Variants in TBC1D22A observed in about 807,000 individuals in gnomAD.
The protein encoded by TBC1D22A is TBC1 domain family member 22A, also known as putative GTPase activator.
A neutral mutation model predicts 60.2 loss-of-function variants in TBC1D22A; 38 were observed. The ratio of observed to expected loss-of-function variants is 0.63; its 90% CI spans 0.49 to 0.83. The LOEUF is 0.83. Among genes scored for constraint, TBC1D22A ranks in the 40% least tolerant of loss-of-function variants. The pLI, the probability that TBC1D22A is intolerant of heterozygous loss-of-function variation, is 0.00. For synonymous variants in TBC1D22A, 302 were observed against 281.7 expected (o/e 1.07, Z -0.72); for missense variants, 628 against 701.0 (o/e 0.90, Z 1.18).
chr22:46,930,160 T>C (rs554364675), intron 8 of TBC1D22A, among the ~76,000 whole-genome samples: 4 of 152,240 alleles, frequency 2.6e-5, no homozygotes, highest in Non-Finnish European at 5.9e-5. Flanking sequence ...GTTTTCTTGA[T>C]TCCTGGCTCC....
chr22:47,146,885 C>A (rs1045004075), intron 12 of TBC1D22A, among the ~76,000 whole-genome samples: 14 of 152,210 alleles, frequency 9.2e-5, no homozygotes, highest in Non-Finnish European at 1.6e-4. Context: ...GTCTGCCCAC[C>A]CGGAAACCTC....
At chr22:47,022,486 C>G (rs925950004) in intron 10 of TBC1D22A, among the ~76,000 whole-genome samples, 7 of 151,626 alleles carry the variant, frequency 4.6e-5, no homozygotes, top group African/African-American at 1.7e-4. Context: ...GTTCTTAGGG[C>G]TGAGGCTGGG....
intron 11 of TBC1D22A, among the ~76,000 whole-genome samples, chr22:47,091,992 A>G (rs1443727655): frequency 6.6e-6 from 1 of 152,218 alleles, no homozygotes; most frequent in Non-Finnish European, 1.5e-5. Context: ...TGTACTGGAC[A>G]TCATGATTGC....
chr22:47,100,643 C>G (rs1368796758), intron 11 of TBC1D22A, among the ~76,000 whole-genome samples: 2 of 152,158 alleles, frequency 1.3e-5, no homozygotes, highest in Admixed American at 1.3e-4. Flanking sequence ...CTTTTTTGGC[C>G]TGCCACCATC....
intron 5 of TBC1D22A, among the ~76,000 whole-genome samples, chr22:46,883,401 A>T (rs1451342199): frequency 6.6e-6 from 1 of 152,244 alleles, no homozygotes; most frequent in Non-Finnish European, 1.5e-5. Flanking sequence ...GCATACTTGA[A>T]TGTATTTCAT....
chr22:46,844,108 CAT>C (rs111808405), intron 4 of TBC1D22A, among the ~76,000 whole-genome samples: 37 of 150,636 alleles, frequency 2.5e-4, no homozygotes, highest in African/African-American at 8.1e-4. Flanking sequence ...TGGGTGTAAA[CAT>C]GTGGGTAAGG....
At position 47,039,704 on chromosome 22, in the gene TBC1D22A, GAA is replaced by G. The variant is rs34793078; in HGVS notation, c.1329+2528_1329+2529del. On this transcript the variant is annotated intron_variant, in intron 11 of 12. Transcript: ENST00000337137. ...TCCCTCATGGATGCGTGCATTTCAG[GAA>G]AAAAAAAAAAAAAAAAAAAAAGAAA... 6.4e-3 allele frequency among the ~76,000 whole-genome samples: 518 copies of G among 81,424 alleles called. 4 individuals carry two copies. Among genetic ancestry groups the G allele is most frequent in the African/African-American group, 0.023 (484 of 20,608 alleles). The allele number at this position is 81,424 out of a possible 152,430, so 53.4% of individuals were successfully genotyped here.
At chr22:47,165,422 C>T (rs79837253) in intron 12 of TBC1D22A, among the ~76,000 whole-genome samples, 11 of 152,178 alleles carry the variant, frequency 7.2e-5, no homozygotes, top group Non-Finnish European at 1.0e-4. Context: ...CTGCCCCTCT[C>T]GCCTGGGGGT....
At chr22:46,862,429 T>C (rs545310710) in intron 4 of TBC1D22A, among the ~76,000 whole-genome samples, 2 of 152,164 alleles carry the variant, frequency 1.3e-5, no homozygotes, top group East Asian at 3.9e-4. Flanking sequence ...TCTCTTGCCG[T>C]GAGCCTTCCT....
At chr22:46,841,849 C>T (rs978976161) in intron 4 of TBC1D22A, among the ~76,000 whole-genome samples, 5 of 152,108 alleles carry the variant, frequency 3.3e-5, no homozygotes, top group African/African-American at 7.2e-5. Context: ...TTACCACACA[C>T]GCACACAAGG....
chr22:46,936,339 C>T (rs2071653387), intron 8 of TBC1D22A, among the ~76,000 whole-genome samples: 1 of 151,930 alleles, frequency 6.6e-6, no homozygotes, highest in Non-Finnish European at 1.5e-5. Flanking sequence ...ACGCCCTCGT[C>T]CTGGGGCCAG....
In TBC1D22A at chr22:46,891,322, A is replaced by T. The variant is rs1350377357; in HGVS notation, c.765A>T (p.Lys255Asn). ...CAGCCACTCTCCAGAGAAAACAAAAAGAATATTTTGCATTTATTGAGCACT... is the reference window on the plus strand; with the variant it reads ...CAGCCACTCTCCAGAGAAAACAAAATGAATATTTTGCATTTATTGAGCACT... ...RRPATLQRKQKEYFAFIEHYY... is the reference protein window; with the variant it reads ...RRPATLQRKQNEYFAFIEHYY... The change falls in exon 6 of 13, where the codon AAA becomes AAT. Residue 255 changes from lysine (K) to asparagine (N), a missense_variant. Coordinates refer to ENST00000337137, the MANE Select transcript of TBC1D22A (RefSeq NM_014346.5). 6 of 1,613,772 alleles carry T rather than the reference A, an allele frequency of 3.7e-6. No individual in the cohort carries two copies. In the South Asian group the frequency reaches 5.5e-5, roughly 15 times the overall value.
intron 10 of TBC1D22A, among the ~76,000 whole-genome samples, chr22:47,008,481 C>T (rs1349667670): frequency 6.6e-6 from 1 of 152,208 alleles, no homozygotes; most frequent in Non-Finnish European, 1.5e-5. Flanking sequence ...ACAGGGCCTT[C>T]TCACACCTCC....
At chr22:46,944,620 G>C (rs1017563179) in intron 8 of TBC1D22A, among the ~76,000 whole-genome samples, 5 of 152,192 alleles carry the variant, frequency 3.3e-5, no homozygotes, top group Non-Finnish European at 7.3e-5. Context: ...GGATGGTCTT[G>C]ATCTCATGAC....
intron 11 of TBC1D22A, among the ~76,000 whole-genome samples, chr22:47,047,065 G>A (rs969368250): frequency 3.3e-5 from 5 of 152,248 alleles, no homozygotes; most frequent in African/African-American, 7.2e-5. Flanking sequence ...GTTGTGGGAC[G>A]AAGCCCCAGA....
At chr22:47,074,649 T>C (rs564780411) in intron 11 of TBC1D22A, among the ~76,000 whole-genome samples, 96 of 152,368 alleles carry the variant, frequency 6.3e-4, no homozygotes, top group Admixed American at 1.2e-3. Flanking sequence ...TGCTTTTTGA[T>C]AGCCACCCCC....
At chr22:46,935,596 C>T (rs1410870930) in intron 8 of TBC1D22A, among the ~76,000 whole-genome samples, 2 of 152,220 alleles carry the variant, frequency 1.3e-5, no homozygotes, top group African/African-American at 4.8e-5. Context: ...TCCGTCTCGC[C>T]CCCCTCCTTT....
In TBC1D22A at chr22:47,173,783, G is replaced by C. The variant is rs2068582712; in HGVS notation, c.*157G>C. 8.7e-7 allele frequency: 1 copy of C among 1,151,656 alleles called. No individual in the cohort carries two copies. The highest frequency in any genetic ancestry group is 1.2e-6 in the Non-Finnish European group (1 of 823,838). 71.3% of individuals were successfully genotyped at this position (1,151,656 alleles called of 1,614,324 possible). A position where few individuals can be genotyped will look rare whatever the true frequency, so the allele number is the denominator to read the frequency against. On this transcript the variant is annotated 3_prime_UTR_variant, in exon 13 of 13. Coordinates refer to ENST00000337137, the MANE Select transcript of TBC1D22A (RefSeq NM_014346.5). ...GCTGGTGAAGATGGGCCACAGACCT[G>C]GTCTAGGGCTGACAAAGACAGGGAC... is the stretch of plus-strand genomic sequence containing the variant.
At position 47,009,409 on chromosome 22, in the gene TBC1D22A, C is replaced by T. The variant is rs2061686011; in HGVS notation, c.1201+11700C>T. Among the ~76,000 whole-genome samples the T allele has an allele frequency of 6.6e-6, 1 of 151,584 alleles. No individual in the cohort carries two copies. Among genetic ancestry groups the T allele is most frequent in the African/African-American group, 2.4e-5 (1 of 41,220 alleles). On this transcript the variant is annotated intron_variant, in intron 10 of 12. Transcript: ENST00000337137. This position sits in a 1 kb window ranked among gnomAD's most constrained non-coding sequence, Gnocchi z 5.8. ...CCATCACCATCATTTCCATCATCAC[C>T]ATCATTGTGTCATCACCACCATCAT...
Sources: allele counts gnomAD v4.1 joint callset (sites outside exome capture counted in the v4.1 genomes callset), GRCh38; gene constraint gnomAD v4.1.1; non-coding constraint Gnocchi (gnomAD v3.1); transcripts MANE v1.5; gene names NCBI Gene and HGNC (gene_info 2026-07-23, HGNC 2026-07-21).